The following TUB variants were observed in gnomAD, a reference collection of about 807,000 sequenced individuals.
The protein encoded by TUB is TUB bipartite transcription factor.
Under a neutral mutation model 59.7 loss-of-function variants are expected in TUB, and 33 were observed. The ratio of observed to expected loss-of-function variants is 0.55; its 90% CI spans 0.42 to 0.74. TUB has a LOEUF of 0.74. Ranked by LOEUF, TUB falls within the 30% of genes least tolerant of loss-of-function variation. The pLI, the probability that TUB is intolerant of heterozygous loss-of-function variation, is 0.00. For synonymous variants in TUB, 293 were observed against 256.4 expected, an observed-to-expected ratio of 1.14 and a Z score of -1.36; for missense variants, 659 against 672.0, an observed-to-expected ratio of 0.98 and a Z score of 0.21.
rs1023599636 is a variant in TUB at position 8,096,883 on chromosome 11, A to C, written c.687+77A>C. On this transcript the variant is annotated intron_variant, in intron 6 of 11. Transcript: ENST00000299506. Reference sequence around the variant, plus strand: ...TTAGAGGTGGACTGCATGTGAAGAGATGGACTCGTATGCCTTTAGGAGCTT... The same window carrying C: ...TTAGAGGTGGACTGCATGTGAAGAGCTGGACTCGTATGCCTTTAGGAGCTT... The C allele has an allele frequency of 4.6e-6, 7 of 1,514,138 alleles. No individual in the cohort carries two copies. The African/African-American group carries it at 9.6e-5, about 21-fold the overall frequency. The allele number at this position is 1,514,138 out of a possible 1,614,324, so 93.8% of individuals were successfully genotyped here.
At chr11:8,073,681 T>C (rs1943395838) in intron 2 of TUB, among the ~76,000 whole-genome samples, 2 of 152,252 alleles carry the variant, frequency 1.3e-5, no homozygotes, top group Admixed American at 6.5e-5. Context: ...TCCTGGAGGC[T>C]GAGCACAGGG....
At chr11:8,086,799 G>A (rs951437857) in intron 1 of TUB, among the ~76,000 whole-genome samples, 1 of 152,190 alleles carries the variant, frequency 6.6e-6, no homozygotes, top group Non-Finnish European at 1.5e-5. Context: ...CCGCTGGTGG[G>A]TGAGGTGGTA....
At chr11:8,088,374 G>A (rs1236351315) in intron 1 of TUB, among the ~76,000 whole-genome samples, 1 of 152,192 alleles carries the variant, frequency 6.6e-6, no homozygotes, top group Non-Finnish European at 1.5e-5. Flanking sequence ...CCATCAGGAG[G>A]AGGTGAAAGT....
At chr11:8,064,153 G>T (rs1254764542) in intron 2 of TUB, among the ~76,000 whole-genome samples, 4 of 152,184 alleles carry the variant, frequency 2.6e-5, no homozygotes, top group Non-Finnish European at 5.9e-5. Context: ...CAGGGCCATA[G>T]TTTCCAAAGC....
intron 1 of TUB, among the ~76,000 whole-genome samples, chr11:8,087,763 G>T (rs1943695649): frequency 6.6e-6 from 1 of 152,252 alleles, no homozygotes; most frequent in South Asian, 2.1e-4. Flanking sequence ...GTTGGCTTGA[G>T]CTGTAGAGAT....
intron 2 of TUB, among the ~76,000 whole-genome samples, chr11:8,043,560 G>A (rs1310045641): frequency 6.6e-6 from 1 of 152,122 alleles, no homozygotes; most frequent in East Asian, 1.9e-4. Flanking sequence ...ATAAATACAG[G>A]ATGTCTTCTT....
intron 4 of TUB, among the ~76,000 whole-genome samples, chr11:8,095,073 C>T (rs1332561239): frequency 2.0e-5 from 3 of 152,302 alleles, no homozygotes; most frequent in South Asian, 4.1e-4. Flanking sequence ...AGTTACTGCA[C>T]GTGTGTATGT....
intron 2 of TUB, among the ~76,000 whole-genome samples, chr11:8,060,337 GAGA>G (rs1943100085): frequency 6.6e-6 from 1 of 152,216 alleles, no homozygotes; most frequent in Admixed American, 6.5e-5. Context: ...AGGAAAACCA[GAGA>G]GTGGGCAGGA....
chr11:8,035,301 T>C (rs1942630957), upstream of TUB: 2 of 152,258 alleles, frequency 1.3e-5, no homozygotes, highest in Admixed American at 6.5e-5. Flanking sequence ...GTCTTGTTTA[T>C]CATGGACAGT....
intron 1 of TUB, among the ~76,000 whole-genome samples, chr11:8,021,418 C>G (rs1010354474): frequency 6.6e-6 from 1 of 151,694 alleles, no homozygotes; most frequent in African/African-American, 2.4e-5. Context: ...TGCAGTGAGC[C>G]GAGATTGTGT....
chr11:8,033,239 C>T (rs981551329), intron 1 of TUB, among the ~76,000 whole-genome samples: 1 of 152,210 alleles, frequency 6.6e-6, no homozygotes, highest in Non-Finnish European at 1.5e-5. Flanking sequence ...TCCTTGGTTC[C>T]CTTTTGTACG....
chr11:8,021,343 G>A (rs1302643035), intron 1 of TUB, among the ~76,000 whole-genome samples: 4 of 152,090 alleles, frequency 2.6e-5, no homozygotes, highest in African/African-American at 7.2e-5. Flanking sequence ...GGAGGTGCAC[G>A]CCTGTAATCC....
chr11:8,083,136 G>T (rs1943602182), intron 1 of TUB, among the ~76,000 whole-genome samples: 1 of 152,242 alleles, frequency 6.6e-6, no homozygotes, highest in African/African-American at 2.4e-5. Context: ...CTAGAAGACA[G>T]TGCAGCCCCA....
At chr11:8,079,413 G>C (rs1050700117), upstream of TUB, among the ~76,000 whole-genome samples, 32 of 152,218 alleles carry the variant, frequency 2.1e-4, no homozygotes, top group East Asian at 1.9e-4. Flanking sequence ...CTTCCTGGAA[G>C]GCCAGCAGAG....
At chr11:8,065,241 C>T (rs1943215351) in intron 2 of TUB, among the ~76,000 whole-genome samples, 1 of 152,126 alleles carries the variant, frequency 6.6e-6, no homozygotes. Flanking sequence ...CTAAGGTCCT[C>T]CAGGCTTTGG....
At chr11:8,044,052 T>G (rs991680708) in intron 2 of TUB, among the ~76,000 whole-genome samples, 1 of 152,096 alleles carries the variant, frequency 6.6e-6, no homozygotes, top group Non-Finnish European at 1.5e-5. Context: ...TTATGTGATG[T>G]CTTGGTATAG....
intron 2 of TUB, among the ~76,000 whole-genome samples, chr11:8,065,742 G>T (rs192344062): frequency 1.3e-3 from 202 of 152,252 alleles, no homozygotes; most frequent in African/African-American, 4.4e-3. Context: ...CTGCTTCAGG[G>T]TTTATCTGAC....
Position 8,096,660 on chromosome 11 carries a change from CCTT to C in TUB, c.566-16_566-14del, listed in dbSNP as rs756713517. 1.7e-4 allele frequency: 255 copies of C among 1,478,034 alleles called. 3 individuals carry two copies. The highest frequency in any genetic ancestry group is 3.3e-4 in the African/African-American group (24 of 72,074). 91.6% of individuals were successfully genotyped at this position (1,478,034 alleles called of 1,614,324 possible). Reference sequence around the variant, plus strand: ...CAGCGTAGACTTCTCCTCCTTCATCCCTTCTTCTTCTCTCCTTGGCCCAGGCAT... The same window carrying C: ...CAGCGTAGACTTCTCCTCCTTCATCCCTTCTTCTCTCCTTGGCCCAGGCAT... On this transcript the variant is annotated intron_variant, in intron 5 of 11. Coordinates refer to ENST00000299506, the MANE Select transcript of TUB (RefSeq NM_177972.3).
chr11:8,040,873 G>T (rs1198707873), intron 2 of TUB, among the ~76,000 whole-genome samples: 2 of 152,194 alleles, frequency 1.3e-5, no homozygotes, highest in Non-Finnish European at 2.9e-5. Context: ...TGTCAAGGCT[G>T]CAAGAAATTT....
Sources: allele counts gnomAD v4.1 joint callset (sites outside exome capture counted in the v4.1 genomes callset), GRCh38; gene constraint gnomAD v4.1.1; transcripts MANE v1.5; gene names NCBI Gene and HGNC (gene_info 2026-07-23, HGNC 2026-07-21).